Variants in MICAL2 observed in about 807,000 individuals in gnomAD.
The protein encoded by MICAL2 is microtubule associated monooxygenase, calponin and LIM domain containing 2, also known as [F-actin]-monooxygenase MICAL2.
MICAL2 carries 77 observed loss-of-function variants against 127.3 expected under a neutral mutation model. The ratio of observed to expected loss-of-function variants is 0.60; its 90% CI spans 0.50 to 0.73. The LOEUF is 0.73. MICAL2 is among the 30% of genes least tolerant of loss of function. The probability of loss-of-function intolerance (pLI) is 0.00; values close to 1 mark genes in which losing one functional copy is unlikely to be tolerated. For missense variants in MICAL2, 1,351 were observed against 1,434.4 expected, an observed-to-expected ratio of 0.94 and a Z score of 0.94; for synonymous variants, 570 against 551.1, an observed-to-expected ratio of 1.03 and a Z score of -0.48.
In MICAL2 at chr11:12,260,929, A is replaced by G; in HGVS notation, c.3334+1032A>G. 2.0e-6 allele frequency: 2 copies of G among 985,482 alleles called. 1 individual carries two copies. The highest frequency in any genetic ancestry group is 9.4e-5 in the South Asian group (2 of 21,288). 61.0% of individuals were successfully genotyped at this position (985,482 alleles called of 1,614,324 possible). Reference sequence around the variant, plus strand: ...GCATTTTCCCTTCCCACTAATGGGCACTGCAGGGAAAGCCCATTGGCATTT... The same window carrying G: ...GCATTTTCCCTTCCCACTAATGGGCGCTGCAGGGAAAGCCCATTGGCATTT... On this transcript the variant is annotated intron_variant, in intron 26 of 27. Coordinates refer to ENST00000683283, the MANE Select transcript of MICAL2 (RefSeq NM_001282663.2).
chr11:12,174,813 A>T (rs1366029621), intron 3 of MICAL2, among the ~76,000 whole-genome samples: 1 of 152,208 alleles, frequency 6.6e-6, no homozygotes, highest in Non-Finnish European at 1.5e-5. Flanking sequence ...TTTCGCAATT[A>T]TTAATTCATT....
intron 2 of MICAL2, among the ~76,000 whole-genome samples, chr11:12,158,179 G>C (rs1361904840): frequency 6.6e-6 from 1 of 151,916 alleles, no homozygotes; most frequent in Non-Finnish European, 1.5e-5. Context: ...AAGTAAGTAT[G>C]ATGGACATAT....
chr11:12,184,525 T>A (rs1216843254), intron 3 of MICAL2, among the ~76,000 whole-genome samples: 3 of 152,230 alleles, frequency 2.0e-5, no homozygotes, highest in Non-Finnish European at 4.4e-5. Flanking sequence ...TGAACTGTCA[T>A]CTGTCCCAGC....
intron 29 of MICAL2, among the ~76,000 whole-genome samples, chr11:12,307,417 A>T (rs1346107067): frequency 1.3e-5 from 2 of 152,224 alleles, no homozygotes; most frequent in African/African-American, 4.8e-5. Flanking sequence ...CAAAGAGCAG[A>T]ACTTTTTAAT....
At chr11:12,334,915 G>T (rs568382800) in intron 32 of MICAL2, among the ~76,000 whole-genome samples, 2 of 152,010 alleles carry the variant, frequency 1.3e-5, no homozygotes, top group Non-Finnish European at 2.9e-5. Flanking sequence ...GTAAACATAC[G>T]TGCACATGTG....
At chr11:12,124,164 G>A (rs2133491784) in intron 1 of MICAL2, among the ~76,000 whole-genome samples, 1 of 152,232 alleles carries the variant, frequency 6.6e-6, no homozygotes, top group South Asian at 2.1e-4. Flanking sequence ...GTTTCAACTT[G>A]TTAAATTCAG....
At chr11:12,308,392 A>G (rs1397031389) in intron 29 of MICAL2, among the ~76,000 whole-genome samples, 1 of 152,228 alleles carries the variant, frequency 6.6e-6, no homozygotes, top group Non-Finnish European at 1.5e-5. Context: ...CTTTCAATCC[A>G]TGAAAATGGT....
chr11:12,125,448 G>C (rs576907273), intron 1 of MICAL2, among the ~76,000 whole-genome samples: 16 of 152,244 alleles, frequency 1.1e-4, no homozygotes, highest in African/African-American at 3.6e-4. Context: ...TACAGACGGG[G>C]TTTCACCATG....
At chr11:12,118,531 C>A (rs1850232363) in intron 1 of MICAL2, among the ~76,000 whole-genome samples, 1 of 152,180 alleles carries the variant, frequency 6.6e-6, no homozygotes, top group Non-Finnish European at 1.5e-5. Context: ...TGGCCAAGGC[C>A]TAACCATTTC....
intron 2 of MICAL2, among the ~76,000 whole-genome samples, chr11:12,154,507 T>C (rs1040704416): frequency 3.3e-5 from 5 of 152,338 alleles, no homozygotes; most frequent in Admixed American, 2.0e-4. Context: ...AGTAAAAGTA[T>C]ACTAACAGCT....
chr11:12,170,045 G>A (rs1856040304), intron 3 of MICAL2, among the ~76,000 whole-genome samples: 1 of 152,160 alleles, frequency 6.6e-6, no homozygotes. Context: ...CAGCAGTGAA[G>A]TGGCAGGGAT....
chr11:12,215,307 A>G (rs1856001244), intron 7 of MICAL2, among the ~76,000 whole-genome samples: 1 of 152,120 alleles, frequency 6.6e-6, no homozygotes, highest in Non-Finnish European at 1.5e-5. Context: ...GGCCCTCTGC[A>G]TTGATGCCTG....
At chr11:12,304,651 C>CACAT (rs1565299998) in intron 29 of MICAL2, among the ~76,000 whole-genome samples, 1 of 143,812 alleles carries the variant, frequency 7.0e-6, no homozygotes, top group Non-Finnish European at 1.5e-5. Context: ...CACACACACA[C>CACAT]ACACACACAC....
intron 4 of MICAL2, among the ~76,000 whole-genome samples, chr11:12,205,636 T>C (rs576104443): frequency 1.3e-5 from 2 of 152,366 alleles, no homozygotes; most frequent in South Asian, 4.1e-4. Context: ...CATTTCTATC[T>C]GGCTTGGGGC....
chr11:12,224,570 G>T (rs921753392), intron 12 of MICAL2, 103 bp from the exon 13 acceptor site: 7 of 1,489,484 alleles, frequency 4.7e-6, no homozygotes, highest in Admixed American at 1.9e-5. Flanking sequence ...CCTTGGGGCC[G>T]CTCGTCCTGG....
chr11:12,210,963 A>G (rs1051067074), intron 6 of MICAL2, among the ~76,000 whole-genome samples: 7 of 152,338 alleles, frequency 4.6e-5, no homozygotes, highest in Non-Finnish European at 1.0e-4. Flanking sequence ...CACATCACCA[A>G]GTGGCCCCTG....
At chr11:12,210,626 A>T (rs1855333724) in intron 6 of MICAL2, among the ~76,000 whole-genome samples, 1 of 152,156 alleles carries the variant, frequency 6.6e-6, no homozygotes, top group Non-Finnish European at 1.5e-5. Context: ...GCCAACTTGG[A>T]TGTAGTACTG....
At chr11:12,166,475 A>G (rs1465853494) in intron 3 of MICAL2, among the ~76,000 whole-genome samples, 1 of 152,250 alleles carries the variant, frequency 6.6e-6, no homozygotes, top group Non-Finnish European at 1.5e-5. Flanking sequence ...ATCATTCATC[A>G]GGTGAATAGT....
chr11:12,137,028 C>G (rs1258110297), intron 1 of MICAL2, among the ~76,000 whole-genome samples: 1 of 152,204 alleles, frequency 6.6e-6, no homozygotes, highest in Non-Finnish European at 1.5e-5. Flanking sequence ...CCACAGATCC[C>G]AGAAGCTTCC....
Sources: gnomAD v4.1 joint callset for allele counts (sites outside exome capture counted in the v4.1 genomes callset) on GRCh38, gnomAD v4.1.1 for gene constraint, MANE v1.5 for transcripts, NCBI Gene and HGNC (gene_info 2026-07-23, HGNC 2026-07-21) for gene names.